The following SLC16A12 variants were observed in gnomAD, a reference collection of about 807,000 sequenced individuals.
SLC16A12 encodes monocarboxylate transporter 12.
SLC16A12 carries 17 observed loss-of-function variants against 42.4 expected under a neutral mutation model. The observed-to-expected ratio is 0.40, with a 90% confidence interval of 0.27 to 0.60. The LOEUF (loss-of-function observed/expected upper bound fraction) is 0.60, where lower values mean the gene tolerates loss of function less well. Ranked by LOEUF, SLC16A12 falls within the 20% of genes least tolerant of loss-of-function variation. The pLI is 0.42. For missense variants in SLC16A12, 544 were observed against 623.0 expected (o/e 0.87, Z 1.35); for synonymous variants, 224 against 229.4 (o/e 0.98, Z 0.21).
At chr10:89,494,092 T>G (rs998999556) in intron 2 of SLC16A12, among the ~76,000 whole-genome samples, 5 of 152,192 alleles carry the variant, frequency 3.3e-5, no homozygotes, top group African/African-American at 1.2e-4. Context: ...TACAGTAATG[T>G]TTAGTATTGA....
chr10:89,462,867 C>G lies in SLC16A12; in HGVS notation c.-46-243G>C, dbSNP rs4934481. The G allele has an allele frequency of 6.3e-3, 2,238 of 352,710 alleles. 131 individuals are homozygous for G. In the Admixed American group the frequency reaches 0.089, roughly 14 times the overall value. The allele number at this position is 352,710 out of a possible 1,614,324, so 21.8% of individuals were successfully genotyped here. A position where few individuals can be genotyped will look rare whatever the true frequency, so the allele number is the denominator to read the frequency against. On this transcript the variant is annotated intron_variant, in intron 2 of 7. Transcript: ENST00000371790. Reference sequence around the variant, plus strand: ...TCTATTTGATACCATTTTTCCCTAGCCTCTCTTGAAGGTAGTTGTGGCAAT... The same window carrying G: ...TCTATTTGATACCATTTTTCCCTAGGCTCTCTTGAAGGTAGTTGTGGCAAT...
intron 2 of SLC16A12, among the ~76,000 whole-genome samples, chr10:89,516,113 C>T (rs571377407): frequency 4.4e-4 from 67 of 152,220 alleles, no homozygotes; most frequent in African/African-American, 1.6e-3. Context: ...CCGGTGTGTC[C>T]GACTCATTTA....
At chr10:89,458,813 T>C (rs751439173) in intron 3 of SLC16A12, among the ~76,000 whole-genome samples, 4 of 152,204 alleles carry the variant, frequency 2.6e-5, no homozygotes, top group African/African-American at 7.2e-5. Flanking sequence ...GAAAGAATCA[T>C]GGGGTGATGG....
At chr10:89,500,341 A>G (rs566050713) in intron 2 of SLC16A12, among the ~76,000 whole-genome samples, 3 of 152,330 alleles carry the variant, frequency 2.0e-5, no homozygotes, top group East Asian at 1.9e-4. Context: ...TAACAAAAAA[A>G]GAAAACTACA....
intron 2 of SLC16A12, among the ~76,000 whole-genome samples, chr10:89,502,097 G>A (rs1034764596): frequency 2.0e-5 from 3 of 152,128 alleles, no homozygotes; most frequent in African/African-American, 7.2e-5. Context: ...CACTGTCTCA[G>A]TTAGGGAGGA....
At chr10:89,476,265 G>A (rs1318126234) in intron 2 of SLC16A12, among the ~76,000 whole-genome samples, 1 of 152,176 alleles carries the variant, frequency 6.6e-6, no homozygotes, top group African/African-American at 2.4e-5. Flanking sequence ...CGTCATCAGA[G>A]AGCCTATTAT....
intron 2 of SLC16A12, among the ~76,000 whole-genome samples, chr10:89,465,290 T>C (rs2133753980): frequency 6.6e-6 from 1 of 152,368 alleles, no homozygotes; most frequent in East Asian, 1.9e-4. Context: ...CATTTCCTTA[T>C]TCCTTGGTAT....
chr10:89,431,585 T>C lies in SLC16A12; in HGVS notation c.*1479A>G, dbSNP rs1259933221. 1 of 152,214 alleles carries C rather than the reference T, an allele frequency of 6.6e-6. No individual in the cohort carries two copies. The highest frequency in any genetic ancestry group is 6.5e-5 in the Admixed American group (1 of 15,276). 9.4% of individuals were successfully genotyped at this position (152,214 alleles called of 1,614,324 possible). A position where few individuals can be genotyped will look rare whatever the true frequency, so the allele number is the denominator to read the frequency against. ...TTTTCCCCCAGCACTTGTGAGGCCT[T>C]GTAGGGGACAGTGGATTAAATAGCC... On this transcript the variant is annotated 3_prime_UTR_variant, in exon 8 of 8. Transcript: ENST00000371790.
intron 2 of SLC16A12, among the ~76,000 whole-genome samples, chr10:89,475,588 TTCTGCTTCTC>T (rs1175647400): frequency 6.6e-6 from 1 of 152,196 alleles, no homozygotes; most frequent in East Asian, 1.9e-4. Context: ...TATTTTTCCT[TTCTGCTTCTC>T]TCTGCTTAGT....
chr10:89,471,977 T>C (rs160051), intron 2 of SLC16A12, among the ~76,000 whole-genome samples: 74,627 of 151,924 alleles, frequency 0.49, 18,657 homozygotes, highest in Non-Finnish European at 0.54. Context: ...GGTGGTCTGT[T>C]TTTTATTATT....
intron 2 of SLC16A12, among the ~76,000 whole-genome samples, chr10:89,513,736 C>T (rs1843200969): frequency 6.6e-6 from 1 of 152,114 alleles, no homozygotes; most frequent in Admixed American, 6.5e-5. Context: ...AGGGACTAGT[C>T]AGACCAGTGC....
chr10:89,540,190 C>T (rs150352209), upstream of SLC16A12, among the ~76,000 whole-genome samples: 78 of 152,066 alleles, frequency 5.1e-4, no homozygotes, highest in Middle Eastern at 3.4e-3. Flanking sequence ...CCTTGATTAC[C>T]TAGGTTCAAG....
intron 2 of SLC16A12, among the ~76,000 whole-genome samples, chr10:89,470,059 C>A (rs555936293): frequency 6.6e-5 from 10 of 152,088 alleles, no homozygotes; most frequent in African/African-American, 2.4e-4. Flanking sequence ...TCTGGTAAGC[C>A]AGGTTCCTTT....
rs1384384728 is a variant in SLC16A12, at chr10:89,432,179, A to T, written c.*885T>A. On this transcript the variant is annotated 3_prime_UTR_variant, in exon 8 of 8. Transcript: ENST00000371790. ...AAGTAAGAGCTTCTTCTCTGAAGGT[A>T]AAAGACGGGAAGTTTTGGTGTTGTT... The T allele has an allele frequency of 6.5e-6, 1 of 152,806 alleles. No homozygotes were observed. The highest frequency in any genetic ancestry group is 2.4e-5 in the African/African-American group (1 of 41,590). 9.5% of individuals were successfully genotyped at this position (152,806 alleles called of 1,614,324 possible). A position where few individuals can be genotyped will look rare whatever the true frequency, so the allele number is the denominator to read the frequency against.
chr10:89,463,151 A>G lies in SLC16A12; in HGVS notation c.-46-527T>C, dbSNP rs183576784. The G allele has an allele frequency of 1.3e-3, 191 of 152,780 alleles. 2 individuals are homozygous for G. The highest frequency in any genetic ancestry group is 6.0e-3 in the South Asian group (29 of 4,856). The allele number at this position is 152,780 out of a possible 1,614,324, so 9.5% of individuals were successfully genotyped here. Reference sequence around the variant, plus strand: ...TGCCCTCCTACTCTGGACTCTACACATCTCTACACTGTTACACAAAAGATA... The same window carrying G: ...TGCCCTCCTACTCTGGACTCTACACGTCTCTACACTGTTACACAAAAGATA... On this transcript the variant is annotated intron_variant, in intron 2 of 7. Coordinates refer to ENST00000371790, the MANE Select transcript of SLC16A12 (RefSeq NM_213606.4).
At chr10:89,468,468 T>C (rs1426700822) in intron 2 of SLC16A12, among the ~76,000 whole-genome samples, 1 of 152,210 alleles carries the variant, frequency 6.6e-6, no homozygotes, top group Non-Finnish European at 1.5e-5. Flanking sequence ...ATGATGCACT[T>C]GTCCATCTGC....
intron 2 of SLC16A12, among the ~76,000 whole-genome samples, chr10:89,511,892 C>T (rs1003781413): frequency 6.6e-6 from 1 of 151,898 alleles, no homozygotes; most frequent in Non-Finnish European, 1.5e-5. Flanking sequence ...TAACAATAGC[C>T]CCAAAGAGGA....
At chr10:89,434,115 C>T (rs745989830) in intron 7 of SLC16A12, among the ~76,000 whole-genome samples, 3 of 152,090 alleles carry the variant, frequency 2.0e-5, no homozygotes, top group African/African-American at 7.2e-5. Context: ...CAGATCCATT[C>T]GTCAAAAATA....
chr10:89,497,796 T>C (rs763563080), intron 2 of SLC16A12, among the ~76,000 whole-genome samples: 6 of 152,108 alleles, frequency 3.9e-5, no homozygotes, highest in Non-Finnish European at 7.4e-5. Flanking sequence ...TTAAAGAGGA[T>C]TCTTTCTAAT....
Sources: allele counts gnomAD v4.1 joint callset (sites outside exome capture counted in the v4.1 genomes callset), GRCh38; gene constraint gnomAD v4.1.1; transcripts MANE v1.5; gene names NCBI Gene and HGNC (gene_info 2026-07-23, HGNC 2026-07-21).